Variants in STK24 observed in about 807,000 individuals in gnomAD.
STK24 encodes the protein serine/threonine kinase 24.
Under a neutral mutation model 55.6 loss-of-function variants are expected in STK24, and 21 were observed. That is an observed-to-expected ratio of 0.38 (90% CI 0.27 to 0.54). STK24 has a LOEUF of 0.54. STK24 is among the 20% of genes least tolerant of loss of function. STK24 has a pLI of 0.79. For missense variants in STK24, 383 were observed against 538.4 expected (o/e 0.71, Z 2.86); for synonymous variants, 200 against 215.2 (o/e 0.93, Z 0.62).
intron 1 of STK24, 109 bp downstream of exon 1, chr13:98,576,636 C>G (rs1240153910): frequency 4.2e-6 from 4 of 946,944 alleles, no homozygotes; most frequent in Non-Finnish European, 5.8e-6. Context: ...GAGCCAGGCT[C>G]CGGCGCGACC....
intron 3 of STK24, among the ~76,000 whole-genome samples, chr13:98,479,106 T>C (rs1173514147): frequency 6.6e-6 from 1 of 152,206 alleles, no homozygotes; most frequent in Non-Finnish European, 1.5e-5. Context: ...AAAGACAGAC[T>C]GCATTTAAGT....
intron 2 of STK24, among the ~76,000 whole-genome samples, chr13:98,505,741 CT>C (rs1330484096): frequency 6.6e-5 from 10 of 152,348 alleles, no homozygotes; most frequent in Non-Finnish European, 1.5e-4. Context: ...AACATCAACA[CT>C]TTCTAACTAA....
chr13:98,508,790 C>T (rs1895782055), intron 2 of STK24: 4 of 152,176 alleles, frequency 2.6e-5, no homozygotes, highest in Admixed American at 6.5e-5. Flanking sequence ...TTCAGGGCCA[C>T]GCCTCATATT....
At chr13:98,477,006 T>C (rs1894403112) in intron 3 of STK24, among the ~76,000 whole-genome samples, 1 of 152,230 alleles carries the variant, frequency 6.6e-6, no homozygotes, top group South Asian at 2.1e-4. Flanking sequence ...CTCCATCGCC[T>C]GCCAGAAATT....
At chr13:98,536,122 T>C (rs1233861973) in intron 1 of STK24, among the ~76,000 whole-genome samples, 4 of 152,128 alleles carry the variant, frequency 2.6e-5, no homozygotes, top group African/African-American at 7.2e-5. Flanking sequence ...TTGTCACAAA[T>C]AGGAACACAC....
At position 98,451,341 on chromosome 13, in the gene STK24, C is replaced by T. The variant is rs1893184281; in HGVS notation, c.*1832G>A. ...CCACACAGAATACTCCCTGGAAACA[C>T]AAAATGAAATCTTCTCCAATTTTAT... is the stretch of plus-strand genomic sequence containing the variant. On this transcript the variant is annotated 3_prime_UTR_variant, in exon 11 of 11. Coordinates refer to ENST00000539966, the MANE Select transcript of STK24 (RefSeq NM_001032296.4). 1 of 152,152 alleles carries T rather than the reference C, an allele frequency of 6.6e-6. No individual in the cohort carries two copies. Among genetic ancestry groups the T allele is most frequent in the Non-Finnish European group, 1.5e-5 (1 of 68,028 alleles). The allele number at this position is 152,152 out of a possible 1,614,324, so 9.4% of individuals were successfully genotyped here.
chr13:98,449,067 G>A lies in STK24; in HGVS notation c.*4106C>T, dbSNP rs1280563089. On this transcript the variant is annotated 3_prime_UTR_variant, in exon 11 of 11. Coordinates refer to ENST00000539966, the MANE Select transcript of STK24 (RefSeq NM_001032296.4). Reference sequence around the variant, plus strand: ...CTGGACTGTCACCGTCCTGTGAGTGGTGTACACAATGGGAAGATAATAAGC... The same window carrying A: ...CTGGACTGTCACCGTCCTGTGAGTGATGTACACAATGGGAAGATAATAAGC... 1 of 152,192 alleles carries A rather than the reference G, an allele frequency of 6.6e-6. No homozygotes were observed. The highest frequency in any genetic ancestry group is 1.5e-5 in the Non-Finnish European group (1 of 68,062). The allele number at this position is 152,192 out of a possible 1,614,324, so 9.4% of individuals were successfully genotyped here. A position where few individuals can be genotyped will look rare whatever the true frequency, so the allele number is the denominator to read the frequency against.
In STK24 at chr13:98,453,138, AAAGG is replaced by A; in HGVS notation, c.*31_*34del. ...AAAAGGAGGAGGATGAAGAAGGAAA[AAAGG>A]AAAAACAAAACCCCAAATGCCAAAG... is the stretch of plus-strand genomic sequence containing the variant. On this transcript the variant is annotated 3_prime_UTR_variant, in exon 11 of 11. Transcript: ENST00000539966. 6.2e-7 allele frequency: 1 copy of A among 1,612,618 alleles called. No individual in the cohort carries two copies. Among genetic ancestry groups the A allele is most frequent in the Non-Finnish European group, 8.5e-7 (1 of 1,179,096 alleles).
intron 2 of STK24, among the ~76,000 whole-genome samples, chr13:98,493,835 A>G (rs1188056933): frequency 6.6e-6 from 1 of 151,150 alleles, no homozygotes; most frequent in Non-Finnish European, 1.5e-5. Context: ...TCTGCAAAAA[A>G]AAAATTTTTT....
chr13:98,554,755 C>T (rs1328883859), intron 1 of STK24, among the ~76,000 whole-genome samples: 1 of 152,110 alleles, frequency 6.6e-6, no homozygotes. Flanking sequence ...TGGCTCACAC[C>T]TATAATCCCA....
At chr13:98,522,987 G>C (rs1305694537) in intron 1 of STK24, among the ~76,000 whole-genome samples, 1 of 152,202 alleles carries the variant, frequency 6.6e-6, no homozygotes, top group Non-Finnish European at 1.5e-5. Context: ...ATTCCCGGGA[G>C]CAGTGATTCT....
intron 1 of STK24, among the ~76,000 whole-genome samples, chr13:98,537,991 G>C (rs760629388): frequency 6.6e-6 from 1 of 152,074 alleles, no homozygotes; most frequent in Non-Finnish European, 1.5e-5. Context: ...GCAGCTGGAG[G>C]TCAGAGTGGG....
chr13:98,490,574 G>A (rs72655620), intron 2 of STK24, among the ~76,000 whole-genome samples: 5,678 of 152,260 alleles, frequency 0.037, 161 homozygotes, highest in South Asian at 0.12. Context: ...ACAATACTAA[G>A]TTGGACTAAC....
chr13:98,568,792 T>TG lies in STK24; in HGVS notation c.42+7952dup, dbSNP rs567902446. On this transcript the variant is annotated intron_variant, in intron 1 of 10. Transcript: ENST00000539966. Reference sequence around the variant, plus strand: ...CTGAGGCAGGAGAATCACTGGAACCTGGGGGGGCAGATGTTGCAGTGAATG... The same window carrying TG: ...CTGAGGCAGGAGAATCACTGGAACCTGGGGGGGGCAGATGTTGCAGTGAATG... Among the ~76,000 whole-genome samples the TG allele has an allele frequency of 3.9e-4, 59 of 151,932 alleles. No homozygotes were observed. In the Middle Eastern group the frequency reaches 0.014, roughly 35 times the overall value.
rs183396037 is a variant in STK24, at chr13:98,552,439, G to A, written c.42+24306C>T. Among the ~76,000 whole-genome samples the A allele has an allele frequency of 1.4e-3, 214 of 152,236 alleles. 3 individuals carry two copies. In the South Asian group the frequency reaches 0.017, roughly 12 times the overall value. ...GAGGCAAACCATCTGCAGCTAAGCCGGCGGAGGTCTTCTTCCACTCAACCC... is the reference window on the plus strand; with the variant it reads ...GAGGCAAACCATCTGCAGCTAAGCCAGCGGAGGTCTTCTTCCACTCAACCC... On this transcript the variant is annotated intron_variant, in intron 1 of 10. Transcript: ENST00000539966.
rs55640122 is a variant in STK24 at position 98,463,711 on chromosome 13, C to T, written c.909G>A (p.Ser303=). Residue 303 remains serine (S), a synonymous_variant, in exon 7 of 11, where the codon TCG becomes TCA. Transcript: ENST00000539966. ...RWKAEQSHDD[S]SSEDSDAETD... Reference sequence around the variant, plus strand: ...CTTACGCGTCGGAATCCTCGGAGCTCGAGTCGTCATGGCTCTGCTCGGCCT... The same window carrying T: ...CTTACGCGTCGGAATCCTCGGAGCTTGAGTCGTCATGGCTCTGCTCGGCCT... 13 of 1,613,780 alleles carry T rather than the reference C, an allele frequency of 8.1e-6. No individual in the cohort carries two copies. Among genetic ancestry groups the T allele is most frequent in the South Asian group, 1.1e-5 (1 of 91,036 alleles).
Position 98,453,026 on chromosome 13 carries a change from T to C in STK24, c.*147A>G. 1.3e-6 allele frequency: 1 copy of C among 773,234 alleles called. No individual in the cohort carries two copies. The highest frequency in any genetic ancestry group is 2.7e-5 in the East Asian group (1 of 37,390). The allele number at this position is 773,234 out of a possible 1,614,324, so 47.9% of individuals were successfully genotyped here. ...GCTGCAGCACAGTGAAGACTGTGTGTGTCCCTGGACGGGCGCCTGGCGCTG... is the reference window on the plus strand; with the variant it reads ...GCTGCAGCACAGTGAAGACTGTGTGCGTCCCTGGACGGGCGCCTGGCGCTG... On this transcript the variant is annotated 3_prime_UTR_variant, in exon 11 of 11. Transcript: ENST00000539966.
chr13:98,464,598 C>T (rs1454104123), intron 6 of STK24, among the ~76,000 whole-genome samples: 4 of 147,702 alleles, frequency 2.7e-5, no homozygotes, highest in Admixed American at 6.8e-5. Context: ...CCAGTTCAAA[C>T]GATTCTCCTG....
chr13:98,474,721 C>T lies in STK24; in HGVS notation c.597+100G>A. The T allele has an allele frequency of 2.8e-6, 4 of 1,444,184 alleles. No individual in the cohort carries two copies. The South Asian group carries it at 4.1e-5, about 15-fold the overall frequency. 89.5% of individuals were successfully genotyped at this position (1,444,184 alleles called of 1,614,324 possible). On this transcript the variant is annotated intron_variant, in intron 5 of 10. Transcript: ENST00000539966. ...ACCTTTATGACCTACCTCAAGGTAC[C>T]AGCTTCGTTCCAACTTAGAAAAGCT...
Sources: allele counts gnomAD v4.1 joint callset (sites outside exome capture counted in the v4.1 genomes callset), GRCh38; gene constraint gnomAD v4.1.1; transcripts MANE v1.5; gene names NCBI Gene and HGNC (gene_info 2026-07-23, HGNC 2026-07-21).